IBTK: variants seen among roughly 807,000 people sequenced by gnomAD.
IBTK encodes BTK-binding protein.
Under a neutral mutation model 154.9 loss-of-function variants are expected in IBTK, and 83 were observed. The ratio of observed to expected loss-of-function variants is 0.54; its 90% confidence interval spans 0.45 to 0.64. The LOEUF is 0.64. IBTK is among the 30% of genes least tolerant of loss of function. The pLI is 0.00. For synonymous variants in IBTK, 515 were observed against 536.1 expected, an observed-to-expected ratio of 0.96 and a Z score of 0.54; for missense variants, 1,332 against 1,584.6, an observed-to-expected ratio of 0.84 and a Z score of 2.71.
intron 26 of IBTK, among the ~76,000 whole-genome samples, chr6:82,174,726 T>C (rs1238866387): frequency 7.2e-5 from 11 of 152,174 alleles, no homozygotes; most frequent in African/African-American, 2.7e-4. Flanking sequence ...ATTTAATCTT[T>C]GCAATACCCT....
intron 4 of IBTK, among the ~76,000 whole-genome samples, chr6:82,229,360 C>T (rs1770416599): frequency 6.6e-6 from 1 of 152,156 alleles, no homozygotes; most frequent in Non-Finnish European, 1.5e-5. Context: ...TTGGATCAGA[C>T]ATTTCAATCA....
intron 17 of IBTK, among the ~76,000 whole-genome samples, chr6:82,203,196 T>C (rs1448383911): frequency 6.6e-6 from 1 of 152,254 alleles, no homozygotes; most frequent in East Asian, 1.9e-4. Context: ...TATCATAATA[T>C]TCTTCACACC....
chr6:82,180,427 A>AT (rs1554182186), intron 26 of IBTK, among the ~76,000 whole-genome samples: 1 of 151,814 alleles, frequency 6.6e-6, no homozygotes, highest in Admixed American at 6.6e-5. Flanking sequence ...TTTTCTTGCT[A>AT]TTTTTTGTAG....
intron 2 of IBTK, among the ~76,000 whole-genome samples, chr6:82,236,226 T>C (rs558488660): frequency 9.2e-5 from 14 of 152,250 alleles, no homozygotes; most frequent in African/African-American, 3.1e-4. Context: ...CTCCCCCTAG[T>C]AGAATAAAAA....
Position 82,173,404 on chromosome 6 carries a change from T to C in IBTK, c.3760A>G (p.Asn1254Asp). Reference protein sequence around the residue: ...STHGTPGPEGNHISDLPLLDS... With the variant: ...STHGTPGPEGDHISDLPLLDS... Reference sequence around the variant, plus strand: ...AGAAGTGGTAAATCTGAAATATGGTTGCCTTCTGGTCCTGGGGTACCATGG... The same window carrying C: ...AGAAGTGGTAAATCTGAAATATGGTCGCCTTCTGGTCCTGGGGTACCATGG... The change falls in exon 27 of 29, where the codon AAC becomes GAC. Residue 1254 changes from asparagine to aspartate, a missense_variant. Asn to Asp is a conservative substitution (Grantham distance 23). This residue lies in a region of IBTK where 1,134 missense variants were observed against 1,274.7 expected (regional missense o/e 0.89). Transcript: ENST00000306270. 6.2e-7 allele frequency: 1 copy of C among 1,613,784 alleles called. No homozygotes were observed. The highest frequency in any genetic ancestry group is 8.5e-7 in the Non-Finnish European group (1 of 1,179,756).
intron 27 of IBTK, 75 bp from the exon 28 acceptor site, chr6:82,172,587 T>C (rs1767966121): frequency 1.5e-6 from 2 of 1,343,602 alleles, no homozygotes; most frequent in Non-Finnish European, 2.1e-6. Flanking sequence ...GAAATACTTT[T>C]TAGCAATGCT....
chr6:82,202,126 C>T (rs913158770), intron 18 of IBTK, among the ~76,000 whole-genome samples: 18 of 151,940 alleles, frequency 1.2e-4, no homozygotes, highest in African/African-American at 3.9e-4. Flanking sequence ...TTTAGAACAC[C>T]GTCTAGCACA....
intron 26 of IBTK, among the ~76,000 whole-genome samples, chr6:82,177,785 T>G (rs1489959612): frequency 6.6e-6 from 1 of 151,878 alleles, no homozygotes; most frequent in African/African-American, 2.4e-5. Context: ...CCTGGCCTCA[T>G]GTGATCCGCC....
chr6:82,214,628 T>C lies in IBTK; in HGVS notation c.1803A>G (p.Glu601=), dbSNP rs769071850. 1.2e-6 allele frequency: 2 copies of C among 1,614,040 alleles called. No homozygotes were observed. The highest frequency in any genetic ancestry group is 3.3e-5 in the Admixed American group (2 of 60,012). Residue 601 remains glutamate (E), a synonymous_variant, in exon 12 of 29, where the codon GAA becomes GAG. Coordinates refer to ENST00000306270, the MANE Select transcript of IBTK (RefSeq NM_015525.4). Reference sequence around the variant, plus strand: ...CATCTTTCTGGTAAATATCTGTAAATTCTGAAGTATTACCATCTGAAAGAA... The same window carrying C: ...CATCTTTCTGGTAAATATCTGTAAACTCTGAAGTATTACCATCTGAAAGAA... ...KLFLSDGNTS[E]FTDIYQKDED... is the part of the protein sequence containing the mutation.
At chr6:82,214,117 G>C in intron 12 of IBTK, 110 bp downstream of exon 12, 1 of 1,073,242 alleles carries the variant, frequency 9.3e-7, no homozygotes, top group Non-Finnish European at 1.3e-6. Context: ...CACCACACCC[G>C]GCTAATTTTT....
chr6:82,238,731 G>A (rs993290722), intron 2 of IBTK, among the ~76,000 whole-genome samples: 32 of 151,606 alleles, frequency 2.1e-4, no homozygotes, highest in African/African-American at 7.5e-4. Context: ...GTGAGCCACC[G>A]CGCCTGGCCA....
intron 25 of IBTK, among the ~76,000 whole-genome samples, chr6:82,188,449 G>T (rs1244021409): frequency 6.6e-6 from 1 of 152,074 alleles, no homozygotes; most frequent in Non-Finnish European, 1.5e-5. Flanking sequence ...TCCACTGACT[G>T]CTGATAGACA....
At position 82,216,161 on chromosome 6, in the gene IBTK, G is replaced by A. The variant is rs1267092726; in HGVS notation, c.1516C>T (p.Leu506Phe). The change falls in exon 11 of 29, where the codon CTT (leucine) becomes TTT (phenylalanine). Residue 506 changes from leucine (L) to phenylalanine (F), a missense_variant. By Grantham distance (22) the Leu-to-Phe change is conservative. This residue lies in a region of IBTK where 1,134 missense variants were observed against 1,274.7 expected (regional missense o/e 0.89). Transcript: ENST00000306270. ...SVYERIRLEK[L>F]TFAHRAVSVS... The stretch of plus-strand genomic sequence containing the variant: ...CTAACAGCTCTATGTGCAAAGGTAA[G>A]TTTCTCAAGTCGAATTCTTTCATAC... 8.1e-6 allele frequency: 13 copies of A among 1,613,252 alleles called. No homozygotes were observed. The highest frequency in any genetic ancestry group is 1.0e-5 in the Non-Finnish European group (12 of 1,179,510).
intron 4 of IBTK, 64 bp downstream of exon 4, chr6:82,231,654 G>C (rs946234351): frequency 1.9e-5 from 24 of 1,281,882 alleles, no homozygotes; most frequent in Non-Finnish European, 3.2e-6. Flanking sequence ...ATGAAAAGCT[G>C]AACAATCAAA....
Position 82,214,610 on chromosome 6 carries a change from C to G in IBTK, c.1821G>C (p.Gln607His). 1.2e-6 allele frequency: 2 copies of G among 1,614,062 alleles called. No homozygotes were observed. Among genetic ancestry groups the G allele is most frequent in the Admixed American group, 1.7e-5 (1 of 60,020 alleles). ...GNTSEFTDIY[Q>H]KDEDSAGCHL... Reference sequence around the variant, plus strand: ...GGCACCCTGCAGAATCTTCATCTTTCTGGTAAATATCTGTAAATTCTGAAG... The same window carrying G: ...GGCACCCTGCAGAATCTTCATCTTTGTGGTAAATATCTGTAAATTCTGAAG... Residue 607 changes from glutamine to histidine, a missense_variant, in exon 12 of 29, where the codon CAG (glutamine) becomes CAC (histidine). Gln to His is a conservative substitution (Grantham distance 24). Around this residue, in one of 3 missense-constraint regions of IBTK, gnomAD observed 1,134 missense variants for 1,274.7 expected, o/e 0.89. Coordinates refer to ENST00000306270, the MANE Select transcript of IBTK (RefSeq NM_015525.4).
chr6:82,235,943 G>A (rs775156898), intron 2 of IBTK, among the ~76,000 whole-genome samples: 20 of 152,048 alleles, frequency 1.3e-4, no homozygotes, highest in Non-Finnish European at 2.6e-4. Flanking sequence ...GCGTGACCTC[G>A]GCTCACTGCA....
intron 16 of IBTK, among the ~76,000 whole-genome samples, chr6:82,208,841 T>C (rs1040796837): frequency 4.6e-5 from 7 of 151,952 alleles, no homozygotes; most frequent in African/African-American, 1.7e-4. Flanking sequence ...AAATCATATA[T>C]CCCATAAGGG....
intron 25 of IBTK, 137 bp from the exon 26 acceptor site, chr6:82,182,165 C>G: frequency 1.3e-6 from 1 of 762,120 alleles, no homozygotes; most frequent in South Asian, 1.9e-5. Context: ...ATGTTGGATT[C>G]TTGCTGCCAA....
rs1769811232 is a variant in IBTK, at chr6:82,214,852, TTATGCTTCAAAAAA to T, written c.1602-37_1602-24del. On this transcript the variant is annotated intron_variant, in intron 11 of 28. Coordinates refer to ENST00000306270, the MANE Select transcript of IBTK (RefSeq NM_015525.4). ...AGGCTAGAAAGAAGACAAAAACAAA[TTATGCTTCAAAAAA>T]TATGAAGGAAATCCTTTTTCATACC... is the stretch of plus-strand genomic sequence containing the variant. The T allele has an allele frequency of 7.2e-6, 11 of 1,521,956 alleles. No homozygotes were observed. In the Admixed American group the frequency reaches 2.2e-4, roughly 31 times the overall value. 94.3% of individuals were successfully genotyped at this position (1,521,956 alleles called of 1,614,324 possible).
Sources: gnomAD v4.1 joint callset for allele counts (sites outside exome capture counted in the v4.1 genomes callset) on GRCh38, gnomAD v4.1.1 for gene constraint, gnomAD v4.1.1 regional missense constraint, MANE v1.5 for transcripts, NCBI Gene and HGNC (gene_info 2026-07-23, HGNC 2026-07-21) for gene names.